The following TPRG1 variants were observed in gnomAD, a reference collection of about 807,000 sequenced individuals.
TPRG1 encodes the protein tumor protein p63 regulated 1.
Under a neutral mutation model 29.3 loss-of-function variants are expected in TPRG1, and 29 were observed. The observed-to-expected ratio is 0.99, with a 90% CI of 0.74 to 1.35. The LOEUF (loss-of-function observed/expected upper bound fraction) is 1.35. Ranked by LOEUF, TPRG1 falls within the 40% of genes most tolerant of loss-of-function variation. The probability of loss-of-function intolerance (pLI) is 0.00; values close to 1 mark genes in which losing one functional copy is unlikely to be tolerated. For missense variants in TPRG1, 327 were observed against 335.0 expected, an observed-to-expected ratio of 0.98 and a Z score of 0.19; for synonymous variants, 130 against 116.8, an observed-to-expected ratio of 1.11 and a Z score of -0.73.
intron 1 of TPRG1, among the ~76,000 whole-genome samples, chr3:189,182,048 T>C (rs1373430819): frequency 6.6e-6 from 1 of 152,194 alleles, no homozygotes; most frequent in Non-Finnish European, 1.5e-5. Context: ...ACTTATTCAC[T>C]ATCATGAGAA....
In TPRG1 at chr3:189,145,715, A is replaced by G. The variant is rs140565621; in HGVS notation, c.-290-1869A>G. On this transcript the variant is annotated intron_variant, in intron 3 of 6. Coordinates refer to the TPRG1 transcript ENST00000412373. Reference sequence around the variant, plus strand: ...AAATTAATATCTAAAATGATCTAGAACTTCTAGAACACAGGACTGAAAACA... The same window carrying G: ...AAATTAATATCTAAAATGATCTAGAGCTTCTAGAACACAGGACTGAAAACA... 2.6e-3 allele frequency among the ~76,000 whole-genome samples: 394 copies of G among 152,348 alleles called. 2 individuals are homozygous for G. The highest frequency in any genetic ancestry group is 9.0e-3 in the African/African-American group (375 of 41,580).
At chr3:189,052,900 A>G (rs980637355) in intron 4 of TPRG1, among the ~76,000 whole-genome samples, 1 of 152,182 alleles carries the variant, frequency 6.6e-6, no homozygotes, top group African/African-American at 2.4e-5. Flanking sequence ...GCAAAGCCAT[A>G]AGAATGATAC....
At chr3:189,007,580 A>G (rs1442506622) in intron 3 of TPRG1, among the ~76,000 whole-genome samples, 1 of 151,810 alleles carries the variant, frequency 6.6e-6, no homozygotes, top group Non-Finnish European at 1.5e-5. Flanking sequence ...TCATGCTGCT[A>G]TAAAGATACA....
chr3:189,133,488 G>A (rs1287397319), intron 3 of TPRG1, among the ~76,000 whole-genome samples: 1 of 152,112 alleles, frequency 6.6e-6, no homozygotes, highest in African/African-American at 2.4e-5. Flanking sequence ...GATTATGAGG[G>A]TGGTTTCCCC....
At chr3:189,190,637 TTCA>T (rs1302593968) in intron 1 of TPRG1, among the ~76,000 whole-genome samples, 1 of 152,212 alleles carries the variant, frequency 6.6e-6, no homozygotes, top group African/African-American at 2.4e-5. Flanking sequence ...ATCAAGATAC[TTCA>T]TCATCTACAA....
chr3:189,141,413 A>G (rs1724542086), intron 3 of TPRG1, among the ~76,000 whole-genome samples: 1 of 152,150 alleles, frequency 6.6e-6, no homozygotes, highest in African/African-American at 2.4e-5. Context: ...TTTGTGTGCC[A>G]GACACTGTGT....
At chr3:189,301,766 T>C (rs116449151) in intron 4 of TPRG1, among the ~76,000 whole-genome samples, 265 of 152,308 alleles carry the variant, frequency 1.7e-3, no homozygotes, top group African/African-American at 6.1e-3. Flanking sequence ...GAACACACTA[T>C]GCCTCTTCGT....
intron 2 of TPRG1, chr3:189,211,543 G>A (rs1045415280): frequency 2.0e-5 from 3 of 152,116 alleles, no homozygotes; most frequent in African/African-American, 7.2e-5. Context: ...TAAACCTCTT[G>A]TATTCTTTAT....
At chr3:189,205,036 T>A (rs1433953778) in intron 1 of TPRG1, among the ~76,000 whole-genome samples, 3 of 152,004 alleles carry the variant, frequency 2.0e-5, no homozygotes, top group African/African-American at 7.2e-5. Flanking sequence ...TTCTACCTTT[T>A]GCACACCTAA....
In TPRG1 at chr3:189,323,697, G is replaced by A. The variant is rs1349170502; in HGVS notation, c.*2877G>A. On this transcript the variant is annotated 3_prime_UTR_variant, in exon 6 of 6. Coordinates refer to ENST00000345063, the MANE Select transcript of TPRG1 (RefSeq NM_198485.4). Reference sequence around the variant, plus strand: ...ATGTGTACACTTGGAGTTTTTATCAGACTATCATTTGAACTTACCACTACA... The same window carrying A: ...ATGTGTACACTTGGAGTTTTTATCAAACTATCATTTGAACTTACCACTACA... 1 of 152,110 alleles carries A rather than the reference G, an allele frequency of 6.6e-6. No homozygotes were observed. Among genetic ancestry groups the A allele is most frequent in the Non-Finnish European group, 1.5e-5 (1 of 68,012 alleles). The allele number at this position is 152,110 out of a possible 1,614,324, so 9.4% of individuals were successfully genotyped here.
intron 4 of TPRG1, among the ~76,000 whole-genome samples, chr3:189,248,144 A>G (rs1359124265): frequency 6.6e-6 from 1 of 151,854 alleles, no homozygotes; most frequent in Non-Finnish European, 1.5e-5. Context: ...CTTTTAAAGG[A>G]AGATAAACAC....
chr3:189,279,527 C>G (rs1246807798), intron 4 of TPRG1, among the ~76,000 whole-genome samples: 1 of 152,178 alleles, frequency 6.6e-6, no homozygotes, highest in Non-Finnish European at 1.5e-5. Flanking sequence ...GTAAATTATT[C>G]AATCTCTCTA....
intron 1 of TPRG1, among the ~76,000 whole-genome samples, chr3:189,180,473 C>A (rs915686897): frequency 8.5e-5 from 13 of 152,064 alleles, no homozygotes; most frequent in African/African-American, 2.7e-4. Flanking sequence ...ACAGCCATTC[C>A]AAATGGGAGA....
intron 4 of TPRG1, among the ~76,000 whole-genome samples, chr3:189,264,249 C>T (rs977125745): frequency 2.6e-5 from 4 of 152,124 alleles, no homozygotes; most frequent in African/African-American, 9.7e-5. Context: ...GATTTTATAA[C>T]CTTCTTTCTA....
At chr3:189,205,694 G>T (rs1364914962) in intron 1 of TPRG1, among the ~76,000 whole-genome samples, 2 of 152,176 alleles carry the variant, frequency 1.3e-5, no homozygotes, top group Non-Finnish European at 2.9e-5. Flanking sequence ...TTTCTAGGTA[G>T]CATTGATAAC....
intron 3 of TPRG1, among the ~76,000 whole-genome samples, chr3:189,011,251 T>C (rs1426610734): frequency 6.6e-6 from 1 of 152,202 alleles, no homozygotes; most frequent in Non-Finnish European, 1.5e-5. Context: ...ATCGGCTCTT[T>C]TTTTGTTCCA....
intron 4 of TPRG1, among the ~76,000 whole-genome samples, chr3:189,071,635 C>A (rs1400718872): frequency 5.9e-5 from 9 of 152,156 alleles, no homozygotes; most frequent in Non-Finnish European, 1.3e-4. Flanking sequence ...GTAATAGCTC[C>A]AGCAAAAACT....
intron 1 of TPRG1, among the ~76,000 whole-genome samples, chr3:189,175,370 C>A (rs755244446): frequency 1.3e-5 from 2 of 152,162 alleles, no homozygotes; most frequent in Non-Finnish European, 2.9e-5. Flanking sequence ...GGGTAGGAAG[C>A]ATTTACTACA....
In TPRG1 at chr3:189,297,201, G is replaced by A. The variant is rs554856396; in HGVS notation, c.480-13185G>A. Among the ~76,000 whole-genome samples the A allele has an allele frequency of 1.6e-4, 24 of 151,932 alleles. No individual in the cohort carries two copies. In the South Asian group the frequency reaches 3.1e-3, roughly 20 times the overall value. ...TCACTATGTTGGCCAAGCTGGTCTC[G>A]AACTCCTGACCTCAAGTGATCTGCC... On this transcript the variant is annotated intron_variant, in intron 4 of 5. Transcript: ENST00000345063.
Sources: allele counts gnomAD v4.1 joint callset (sites outside exome capture counted in the v4.1 genomes callset), GRCh38; gene constraint gnomAD v4.1.1; transcripts MANE v1.5; gene names NCBI Gene and HGNC (gene_info 2026-07-23, HGNC 2026-07-21).